The following L2HGDH variants were observed in gnomAD, a reference collection of about 807,000 sequenced individuals.
L2HGDH encodes the protein L-2-hydroxyglutarate dehydrogenase.
L2HGDH carries 34 observed loss-of-function variants against 51.5 expected under a neutral mutation model. The ratio of observed to expected loss-of-function variants is 0.66; its 90% confidence interval spans 0.50 to 0.88. L2HGDH has a LOEUF of 0.88. Among genes scored for constraint, L2HGDH ranks in the 40% least tolerant of loss-of-function variants. L2HGDH has a pLI of 0.00. For missense variants in L2HGDH, 558 were observed against 571.9 expected, an observed-to-expected ratio of 0.98 and a Z score of 0.25; for synonymous variants, 198 against 197.9, an observed-to-expected ratio of 1.00 and a Z score of -0.01.
chr14:50,293,189 T>C (rs2029869994), intron 4 of L2HGDH: 3 of 701,646 alleles, frequency 4.3e-6, no homozygotes, highest in African/African-American at 1.7e-5. Context: ...AGTCCAGACA[T>C]AGACCCGCCA....
At chr14:50,265,287 C>T (rs1889273190) in intron 9 of L2HGDH, 71 bp downstream of exon 9, 31 of 1,360,304 alleles carry the variant, frequency 2.3e-5, no homozygotes, top group Middle Eastern at 3.6e-4. Context: ...TTACTAATCA[C>T]CAAGTCAGAC....
chr14:50,302,353 A>G (rs2030461357), intron 2 of L2HGDH, among the ~76,000 whole-genome samples, 185 bp from the exon 3 acceptor site: 1 of 152,150 alleles, frequency 6.6e-6, no homozygotes, highest in African/African-American at 2.4e-5. Flanking sequence ...CCTCCAGCCC[A>G]TCTCTGATTT....
chr14:50,258,878 G>C (rs1888827984), intron 9 of L2HGDH, among the ~76,000 whole-genome samples: 1 of 151,584 alleles, frequency 6.6e-6, no homozygotes, highest in African/African-American at 2.4e-5. Context: ...GGGTCTCACT[G>C]TTGTCCAGAC....
intron 3 of L2HGDH, among the ~76,000 whole-genome samples, chr14:50,299,589 C>G (rs567850085): frequency 1.1e-4 from 16 of 152,202 alleles, no homozygotes; most frequent in South Asian, 4.2e-4. Flanking sequence ...TACTAGCAAA[C>G]CAAATTCAAC....
intron 3 of L2HGDH, 45 bp downstream of exon 3, chr14:50,301,972 A>C (rs375907921): frequency 2.5e-6 from 4 of 1,595,294 alleles, no homozygotes; most frequent in Non-Finnish European, 3.4e-6. Context: ...ATCACTAAGC[A>C]AATGCTAGTT....
chr14:50,299,069 T>C (rs1417724559), intron 3 of L2HGDH, among the ~76,000 whole-genome samples: 1 of 151,882 alleles, frequency 6.6e-6, no homozygotes, highest in African/African-American at 2.4e-5. Context: ...TAAATAGAAT[T>C]GACAAACCTT....
At chr14:50,300,600 A>G (rs2030354031) in intron 3 of L2HGDH, among the ~76,000 whole-genome samples, 1 of 151,956 alleles carries the variant, frequency 6.6e-6, no homozygotes, top group Non-Finnish European at 1.5e-5. Flanking sequence ...TGCCCGGCCC[A>G]TAACGTATAC....
At chr14:50,297,076 T>C (rs533704848) in intron 3 of L2HGDH, among the ~76,000 whole-genome samples, 34 of 152,302 alleles carry the variant, frequency 2.2e-4, no homozygotes, top group African/African-American at 7.5e-4. Context: ...CTTTTCATGA[T>C]AGAAAACATT....
At chr14:50,303,078 C>G (rs900065377) in intron 1 of L2HGDH, 61 bp from the exon 2 acceptor site, 7 of 1,020,212 alleles carry the variant, frequency 6.9e-6, no homozygotes, top group Admixed American at 3.4e-5. Context: ...CCAAACTTCA[C>G]ATGCATAATT....
chr14:50,259,840 T>A (rs1049040377), intron 9 of L2HGDH, among the ~76,000 whole-genome samples: 2 of 151,542 alleles, frequency 1.3e-5, no homozygotes, highest in Non-Finnish European at 2.9e-5. Context: ...AAAAAAAAAA[T>A]TCTTAAAAAT....
intron 6 of L2HGDH, among the ~76,000 whole-genome samples, chr14:50,276,923 A>T (rs1040509741): frequency 6.6e-6 from 1 of 152,190 alleles, no homozygotes; most frequent in Admixed American, 6.5e-5. Context: ...CCCACACTGA[A>T]GGATGTTTAG....
intron 7 of L2HGDH, 38 bp downstream of exon 7, chr14:50,269,125 C>CT: frequency 1.3e-6 from 2 of 1,574,690 alleles, no homozygotes; most frequent in Non-Finnish European, 1.7e-6. Flanking sequence ...CCACCACCTG[C>CT]TTGAAAAAAA....
chr14:50,309,491 G>C (rs1384700265), intron 1 of L2HGDH, among the ~76,000 whole-genome samples: 1 of 151,818 alleles, frequency 6.6e-6, no homozygotes, highest in Non-Finnish European at 1.5e-5. Context: ...CAACCTAGGA[G>C]ACAGAGGTTG....
intron 3 of L2HGDH, among the ~76,000 whole-genome samples, chr14:50,296,407 A>AG (rs1380396212): frequency 6.7e-6 from 1 of 150,318 alleles, no homozygotes; most frequent in African/African-American, 2.4e-5. Flanking sequence ...ACTTATATGA[A>AG]GGACATGACT....
At position 50,288,493 on chromosome 14, in the gene L2HGDH, C is replaced by T. The variant is rs187165086; in HGVS notation, c.541-4460G>A. 1.7e-3 allele frequency among the ~76,000 whole-genome samples: 252 copies of T among 152,272 alleles called. 1 individual carries two copies. The highest frequency in any genetic ancestry group is 2.7e-3 in the Non-Finnish European group (182 of 68,020). ...CTGGTTTTTTTGGAGTCCAATGGCG[C>T]GATCTCAGCTCACCAAAACCTCTGC... On this transcript the variant is annotated intron_variant, in intron 4 of 9. Coordinates refer to ENST00000267436, the MANE Select transcript of L2HGDH (RefSeq NM_024884.3).
intron 1 of L2HGDH, 133 bp downstream of exon 1, chr14:50,311,878 G>A: frequency 8.1e-7 from 1 of 1,229,110 alleles, no homozygotes; most frequent in Non-Finnish European, 1.1e-6. Flanking sequence ...GGGATCCGAG[G>A]TTGGAGTGCC....
chr14:50,294,866 G>C (rs558721878), intron 3 of L2HGDH, among the ~76,000 whole-genome samples: 1 of 151,994 alleles, frequency 6.6e-6, no homozygotes, highest in Non-Finnish European at 1.5e-5. Flanking sequence ...TTAAAGAAAG[G>C]GGCAAAGGAA....
Position 50,265,342 on chromosome 14 carries a change from T to A in L2HGDH, c.1196+16A>T. On this transcript the variant is annotated intron_variant, in intron 9 of 9. Coordinates refer to ENST00000267436, the MANE Select transcript of L2HGDH (RefSeq NM_024884.3). ...AGGTCAGGACTGTATTTACACTCCT[T>A]ATCCCTTTTCCTTACCTAAGTATAT... 6.2e-7 allele frequency: 1 copy of A among 1,606,066 alleles called. No homozygotes were observed. Among genetic ancestry groups the A allele is most frequent in the Non-Finnish European group, 8.5e-7 (1 of 1,172,984 alleles).
chr14:50,268,530 G>C (rs1889482878), intron 7 of L2HGDH, among the ~76,000 whole-genome samples: 1 of 152,012 alleles, frequency 6.6e-6, no homozygotes, highest in African/African-American at 2.4e-5. Flanking sequence ...TCTATGACTG[G>C]CAAGTAAAAT....
Sources: gnomAD v4.1 joint callset for allele counts (sites outside exome capture counted in the v4.1 genomes callset) on GRCh38, gnomAD v4.1.1 for gene constraint, MANE v1.5 for transcripts, NCBI Gene and HGNC (gene_info 2026-07-23, HGNC 2026-07-21) for gene names.